The following NCALD variants were observed in gnomAD, a reference collection of about 807,000 sequenced individuals.
NCALD encodes neurocalcin delta, also known as neurocalcin-delta.
NCALD carries 10 observed loss-of-function variants against 18.6 expected under a neutral mutation model. That is an observed-to-expected ratio of 0.54 (90% CI 0.33 to 0.91). The LOEUF is 0.91. Ranked by LOEUF, NCALD falls within the 40% of genes least tolerant of loss-of-function variation. The probability of loss-of-function intolerance (pLI) is 0.03; values close to 1 mark genes in which losing one functional copy is unlikely to be tolerated. For missense variants in NCALD, 184 were observed against 247.6 expected, an observed-to-expected ratio of 0.74 and a Z score of 1.72; for synonymous variants, 88 against 87.4, an observed-to-expected ratio of 1.01 and a Z score of -0.04.
At position 101,692,849 on chromosome 8, in the gene NCALD, C is replaced by T; in HGVS notation, c.426G>A (p.Glu142=). 6.2e-7 allele frequency: 1 copy of T among 1,614,020 alleles called. No homozygotes were observed. The highest frequency in any genetic ancestry group is 1.1e-5 in the South Asian group (1 of 91,078). Residue 142 remains glutamate, a synonymous_variant, in exon 3 of 4, where the codon GAG becomes GAA. Coordinates refer to ENST00000220931, the MANE Select transcript of NCALD (RefSeq NM_032041.3). ...VSSVMKMPED[E]STPEKRTEKI... Reference sequence around the variant, plus strand: ...TTTCTGTTCTTTTCTCTGGGGTTGACTCATCTTCAGGCATTTTCATTACAG... The same window carrying T: ...TTTCTGTTCTTTTCTCTGGGGTTGATTCATCTTCAGGCATTTTCATTACAG...
chr8:101,974,276 TTTGG>T (rs1820342788), intron 2 of NCALD, among the ~76,000 whole-genome samples: 10 of 152,206 alleles, frequency 6.6e-5, no homozygotes, highest in African/African-American at 2.4e-4. Flanking sequence ...TAAAAGCATA[TTTGG>T]AAGACTTTTT....
chr8:101,910,604 G>C (rs1465319162), intron 3 of NCALD, among the ~76,000 whole-genome samples: 1 of 152,148 alleles, frequency 6.6e-6, no homozygotes, highest in Non-Finnish European at 1.5e-5. Context: ...TGGAAAGACA[G>C]ATATAATGTA....
chr8:101,815,793 G>T (rs1228514800), intron 4 of NCALD, among the ~76,000 whole-genome samples: 3 of 152,064 alleles, frequency 2.0e-5, no homozygotes, highest in Non-Finnish European at 4.4e-5. Context: ...ACACTCCTTG[G>T]TATTTACCTA....
At chr8:102,082,457 G>A (rs1824581553) in intron 1 of NCALD, among the ~76,000 whole-genome samples, 1 of 151,824 alleles carries the variant, frequency 6.6e-6, no homozygotes, top group Non-Finnish European at 1.5e-5. Context: ...CAAATGAAAG[G>A]AGCTTCTTAT....
At chr8:101,766,102 T>C (rs1811335829) in intron 1 of NCALD, among the ~76,000 whole-genome samples, 1 of 152,208 alleles carries the variant, frequency 6.6e-6, no homozygotes, top group Admixed American at 6.5e-5. Flanking sequence ...TCTTAACTTT[T>C]AGGGAAAGTT....
chr8:102,105,865 C>T (rs1825427922), intron 1 of NCALD, among the ~76,000 whole-genome samples: 1 of 152,132 alleles, frequency 6.6e-6, no homozygotes, highest in African/African-American at 2.4e-5. Context: ...ATGCCTGCTC[C>T]TCCATAGTAA....
intron 3 of NCALD, among the ~76,000 whole-genome samples, chr8:101,898,507 A>C (rs535754012): frequency 6.6e-6 from 1 of 152,304 alleles, no homozygotes; most frequent in African/African-American, 2.4e-5. Context: ...AAACATTTTA[A>C]ATTTGGATGA....
chr8:102,111,455 G>T (rs1452884515), intron 1 of NCALD, among the ~76,000 whole-genome samples: 1 of 151,332 alleles, frequency 6.6e-6, no homozygotes, highest in Admixed American at 6.6e-5. Context: ...GTGCACATGT[G>T]TGTCTGAGTG....
intron 1 of NCALD, among the ~76,000 whole-genome samples, chr8:102,100,755 A>G (rs1825249941): frequency 6.6e-6 from 1 of 152,250 alleles, no homozygotes; most frequent in Non-Finnish European, 1.5e-5. Flanking sequence ...ATGCTACAAC[A>G]TGGGTGAACC....
At chr8:101,878,765 A>G (rs551577830) in intron 4 of NCALD, among the ~76,000 whole-genome samples, 4 of 152,210 alleles carry the variant, frequency 2.6e-5, no homozygotes, top group African/African-American at 9.6e-5. Flanking sequence ...GTAAAGTATG[A>G]TGATCCCACA....
chr8:101,973,271 C>T lies in NCALD; in HGVS notation c.-157+46966G>A, dbSNP rs185865179. Among the ~76,000 whole-genome samples the T allele has an allele frequency of 2.3e-4, 35 of 152,230 alleles. No homozygotes were observed. The East Asian group carries it at 5.8e-3, about 25-fold the overall frequency. On this transcript the variant is annotated intron_variant, in intron 2 of 6. Transcript: ENST00000311028. ...ACATTTATCATTATGTCTCCATAGG[C>T]TCCTCTTGGCTGTGACTGTTTCTCA...
chr8:101,786,613 C>T (rs920421873), intron 1 of NCALD, among the ~76,000 whole-genome samples: 2 of 152,152 alleles, frequency 1.3e-5, no homozygotes, highest in African/African-American at 2.4e-5. Flanking sequence ...TTGACATTTA[C>T]CTCTAATAGA....
chr8:102,011,018 C>T (rs932022862), intron 2 of NCALD, among the ~76,000 whole-genome samples: 2 of 152,122 alleles, frequency 1.3e-5, no homozygotes, highest in Admixed American at 6.5e-5. Flanking sequence ...CGTCTGGTTC[C>T]TTTTTAATCA....
At chr8:102,062,567 CACA>C (rs1426006330) in intron 1 of NCALD, among the ~76,000 whole-genome samples, 1 of 152,192 alleles carries the variant, frequency 6.6e-6, no homozygotes, top group East Asian at 1.9e-4. Context: ...CAGTTATTGC[CACA>C]ACAATGCTGT....
chr8:101,727,020 A>T (rs764176327), intron 1 of NCALD, among the ~76,000 whole-genome samples: 9 of 152,194 alleles, frequency 5.9e-5, no homozygotes, highest in Non-Finnish European at 1.2e-4. Context: ...AGCTAAAACC[A>T]TGCCCTCTTC....
At chr8:102,006,134 C>T (rs1364251259) in intron 2 of NCALD, among the ~76,000 whole-genome samples, 2 of 151,966 alleles carry the variant, frequency 1.3e-5, no homozygotes, top group African/African-American at 2.4e-5. Context: ...ATGATCAATT[C>T]TAAGACTGTA....
chr8:101,721,586 T>A (rs1217797940), intron 1 of NCALD, among the ~76,000 whole-genome samples: 20 of 152,200 alleles, frequency 1.3e-4, no homozygotes. Context: ...GAGGCCTGTC[T>A]GGTGGCCTCA....
chr8:101,811,979 A>G (rs967932299), intron 4 of NCALD, among the ~76,000 whole-genome samples: 2 of 152,208 alleles, frequency 1.3e-5, no homozygotes, highest in Admixed American at 1.3e-4. Flanking sequence ...TATCATCTAC[A>G]ATTCAAATCT....
At chr8:101,700,891 T>C (rs1815233620) in intron 2 of NCALD, among the ~76,000 whole-genome samples, 2 of 152,184 alleles carry the variant, frequency 1.3e-5, no homozygotes, top group African/African-American at 4.8e-5. Context: ...GCAGGGCTTC[T>C]GGAATGGGGT....
Sources: gnomAD v4.1 joint callset for allele counts (sites outside exome capture counted in the v4.1 genomes callset) on GRCh38, gnomAD v4.1.1 for gene constraint, MANE v1.5 for transcripts, NCBI Gene and HGNC (gene_info 2026-07-23, HGNC 2026-07-21) for gene names.